Variants in NUMB observed in about 807,000 individuals in gnomAD.
NUMB encodes protein numb homolog.
Under a neutral mutation model 59.7 loss-of-function variants are expected in NUMB, and 29 were observed. The observed-to-expected ratio is 0.49, with a 90% confidence interval of 0.36 to 0.66. The LOEUF (loss-of-function observed/expected upper bound fraction) is 0.66. NUMB is among the 30% of genes least tolerant of loss of function. NUMB has a pLI of 0.00. For synonymous variants in NUMB, 288 were observed against 288.2 expected, an observed-to-expected ratio of 1.00 and a Z score of 0.01; for missense variants, 723 against 822.0, an observed-to-expected ratio of 0.88 and a Z score of 1.47.
chr14:73,317,816 T>C (rs1891168558), intron 5 of NUMB, among the ~76,000 whole-genome samples: 1 of 152,248 alleles, frequency 6.6e-6, no homozygotes. Flanking sequence ...TTACATTTCC[T>C]AGCTGTGGTT....
At chr14:73,452,515 C>T (rs1432883635) in intron 1 of NUMB, among the ~76,000 whole-genome samples, 5 of 152,040 alleles carry the variant, frequency 3.3e-5, no homozygotes, top group African/African-American at 1.2e-4. Flanking sequence ...GAGCAAGACA[C>T]CGTCTCAAAA....
At chr14:73,358,780 C>T (rs1594947250) in intron 3 of NUMB, among the ~76,000 whole-genome samples, 1 of 152,062 alleles carries the variant, frequency 6.6e-6, no homozygotes, top group African/African-American at 2.4e-5. Context: ...TATACCCTTG[C>T]ATCATAACAC....
At chr14:73,406,848 T>C (rs905727743) in intron 2 of NUMB, among the ~76,000 whole-genome samples, 1 of 148,504 alleles carries the variant, frequency 6.7e-6, no homozygotes, top group Non-Finnish European at 1.5e-5. Context: ...TGGCCAGTGA[T>C]GATGAGCATT....
intron 1 of NUMB, among the ~76,000 whole-genome samples, chr14:73,442,684 T>C (rs937790948): frequency 2.0e-5 from 3 of 152,182 alleles, no homozygotes; most frequent in Non-Finnish European, 4.4e-5. Flanking sequence ...CATGATGCTA[T>C]TTATATAAAA....
intron 1 of NUMB, among the ~76,000 whole-genome samples, chr14:73,453,850 G>A (rs746534966): frequency 1.4e-4 from 21 of 151,580 alleles, no homozygotes; most frequent in Non-Finnish European, 2.2e-4. Flanking sequence ...CTCGTGATCC[G>A]TCTGCCTCGG....
intron 3 of NUMB, among the ~76,000 whole-genome samples, chr14:73,366,406 T>C (rs1199790482): frequency 2.6e-5 from 4 of 152,244 alleles, no homozygotes; most frequent in Non-Finnish European, 5.9e-5. Flanking sequence ...GAATTAGATA[T>C]TATGATAATT....
chr14:73,314,324 T>C (rs2139897597), intron 6 of NUMB, among the ~76,000 whole-genome samples: 1 of 152,322 alleles, frequency 6.6e-6, no homozygotes, highest in East Asian at 1.9e-4. Flanking sequence ...GTCAGGTCAT[T>C]TAACCTCTGC....
intron 1 of NUMB, among the ~76,000 whole-genome samples, chr14:73,421,963 A>G (rs549642416): frequency 6.6e-6 from 1 of 151,950 alleles, no homozygotes; most frequent in Admixed American, 6.6e-5. Context: ...ACATCGTGAA[A>G]CCCCGTCTCT....
chr14:73,355,911 C>A, intron 3 of NUMB, 145 bp from the exon 4 acceptor site: 1 of 591,026 alleles, frequency 1.7e-6, no homozygotes, highest in Non-Finnish European at 2.9e-6. Context: ...ATCATGTAAG[C>A]ACAGTGTAAA....
At chr14:73,411,734 TAA>T (rs1483549169) in intron 1 of NUMB, among the ~76,000 whole-genome samples, 2 of 152,146 alleles carry the variant, frequency 1.3e-5, no homozygotes, top group African/African-American at 4.8e-5. Flanking sequence ...TTACAGAAAT[TAA>T]AGTTATAGTA....
chr14:73,338,457 T>C (rs185847835), intron 4 of NUMB, among the ~76,000 whole-genome samples: 5 of 152,368 alleles, frequency 3.3e-5, no homozygotes, highest in African/African-American at 1.2e-4. Context: ...ATCTTTCATC[T>C]GGATTTTTGT....
At chr14:73,389,940 C>T (rs1204139223) in intron 2 of NUMB, among the ~76,000 whole-genome samples, 2 of 151,880 alleles carry the variant, frequency 1.3e-5, no homozygotes, top group African/African-American at 4.8e-5. Flanking sequence ...ATTTTATATA[C>T]TTATTACAAA....
chr14:73,386,659 GA>G (rs1281182589), intron 2 of NUMB, among the ~76,000 whole-genome samples: 3 of 151,970 alleles, frequency 2.0e-5, no homozygotes, highest in Non-Finnish European at 4.4e-5. Flanking sequence ...AATTCTGACA[GA>G]AAAACAAAAC....
intron 4 of NUMB, among the ~76,000 whole-genome samples, chr14:73,339,546 T>TTTTTTG (rs921998132): frequency 3.3e-5 from 5 of 152,158 alleles, no homozygotes; most frequent in African/African-American, 1.2e-4. Flanking sequence ...AACCATCCCA[T>TTTTTTG]TTTTTGTTTT....
chr14:73,395,065 G>A (rs1177835107), intron 2 of NUMB, among the ~76,000 whole-genome samples: 2 of 144,504 alleles, frequency 1.4e-5, no homozygotes, highest in Admixed American at 1.3e-4. Context: ...GTGTGTGTGT[G>A]TGTGTGTGTG....
rs112257193 is a variant in NUMB at position 73,404,767 on chromosome 14, C to CT, written c.-101+5169dup. ...CTTTCTGTGAATCTAAAATGATTTT[C>CT]TTTTTTTTTTTTGGAGACGGAGTCT... On this transcript the variant is annotated intron_variant, in intron 2 of 12. Transcript: ENST00000555238. 3.3e-3 allele frequency among the ~76,000 whole-genome samples: 476 copies of CT among 144,702 alleles called. 1 individual carries two copies. Among genetic ancestry groups the CT allele is most frequent in the Middle Eastern group, 0.011 (3 of 270 alleles). 94.9% of individuals were successfully genotyped at this position (144,702 alleles called of 152,430 possible). A position where few individuals can be genotyped will look rare whatever the true frequency, so the allele number is the denominator to read the frequency against.
At chr14:73,296,167 G>A (rs1243084333) in intron 7 of NUMB, among the ~76,000 whole-genome samples, 1 of 152,148 alleles carries the variant, frequency 6.6e-6, no homozygotes, top group Non-Finnish European at 1.5e-5. Flanking sequence ...AATAGGCCAC[G>A]AGCGGTGGCT....
chr14:73,367,320 CACAT>C (rs1214252656), intron 2 of NUMB, among the ~76,000 whole-genome samples: 3 of 111,126 alleles, frequency 2.7e-5, no homozygotes, highest in Admixed American at 1.1e-4. Flanking sequence ...CACACACACA[CACAT>C]ATATACATAT....
chr14:73,284,385 T>C lies in NUMB; in HGVS notation c.656-11A>G, dbSNP rs370487583. Reference sequence around the variant, plus strand: ...TCTTATCTGTTTCAGCTCAAGAAAATAAAGAGAATGAAGACCTTAGCAATG... The same window carrying C: ...TCTTATCTGTTTCAGCTCAAGAAAACAAAGAGAATGAAGACCTTAGCAATG... On this transcript the variant is annotated splice_polypyrimidine_tract_variant and intron_variant, in intron 9 of 12. Coordinates refer to ENST00000555238, the MANE Select transcript of NUMB (RefSeq NM_001005743.2). The C allele has an allele frequency of 1.2e-6, 2 of 1,603,864 alleles. No homozygotes were observed. Among genetic ancestry groups the C allele is most frequent in the Non-Finnish European group, 1.7e-6 (2 of 1,174,010 alleles).
Sources: allele counts gnomAD v4.1 joint callset (sites outside exome capture counted in the v4.1 genomes callset), GRCh38; gene constraint gnomAD v4.1.1; transcripts MANE v1.5; gene names NCBI Gene and HGNC (gene_info 2026-07-23, HGNC 2026-07-21).